The following LRRC75A variants were observed in gnomAD, a reference collection of about 807,000 sequenced individuals.
LRRC75A encodes the protein leucine-rich repeat-containing protein 75A.
Under a neutral mutation model 26.0 loss-of-function variants are expected in LRRC75A, and 12 were observed. The observed-to-expected ratio is 0.46, with a 90% CI of 0.30 to 0.75. The LOEUF is 0.75. LRRC75A is among the 30% of genes least tolerant of loss of function. The probability of loss-of-function intolerance (pLI) is 0.08; values close to 1 mark genes in which losing one functional copy is unlikely to be tolerated. For synonymous variants in LRRC75A, 223 were observed against 219.3 expected, an observed-to-expected ratio of 1.02 and a Z score of -0.15; for missense variants, 410 against 486.6, an observed-to-expected ratio of 0.84 and a Z score of 1.48.
At chr17:16,481,604 G>T (rs1362651508) in intron 1 of LRRC75A, among the ~76,000 whole-genome samples, 1 of 152,090 alleles carries the variant, frequency 6.6e-6, no homozygotes, top group African/African-American at 2.4e-5. Flanking sequence ...AGGATTCACT[G>T]GCTACCCCCT....
chr17:16,451,730 G>A (rs891646496), intron 2 of LRRC75A, among the ~76,000 whole-genome samples: 8 of 151,890 alleles, frequency 5.3e-5, no homozygotes, highest in Middle Eastern at 3.4e-3. Flanking sequence ...CTTTCATACC[G>A]GAATCTCAGG....
chr17:16,461,697 G>T (rs144527661), intron 2 of LRRC75A, among the ~76,000 whole-genome samples: 1 of 152,226 alleles, frequency 6.6e-6, no homozygotes, highest in Non-Finnish European at 1.5e-5. Context: ...GAGGCAAAGC[G>T]GACAGCCCCA....
intron 1 of LRRC75A, among the ~76,000 whole-genome samples, chr17:16,466,313 C>T (rs1190007436): frequency 6.6e-6 from 1 of 152,180 alleles, no homozygotes; most frequent in African/African-American, 2.4e-5. Flanking sequence ...CTTTCAGACT[C>T]GGCACCCATG....
In LRRC75A at chr17:16,443,543, A is replaced by G. The variant is rs748446677; in HGVS notation, c.*45T>C. On this transcript the variant is annotated 3_prime_UTR_variant, in exon 4 of 4. Coordinates refer to ENST00000470794, the MANE Select transcript of LRRC75A (RefSeq NM_001113567.3). The stretch of plus-strand genomic sequence containing the variant: ...GCGCCCTCCCCTGCCTGCCTTGCCC[A>G]TTCTACCCAACAAGGACTCCCTGGT... The G allele has an allele frequency of 1.4e-6, 2 of 1,452,828 alleles. No individual in the cohort carries two copies. The highest frequency in any genetic ancestry group is 1.4e-5 in the African/African-American group (1 of 70,500). The allele number at this position is 1,452,828 out of a possible 1,614,324, so 90.0% of individuals were successfully genotyped here. A position where few individuals can be genotyped will look rare whatever the true frequency, so the allele number is the denominator to read the frequency against.
rs1199568776 is a variant in LRRC75A, at chr17:16,447,982, G to T, written c.376-22C>A. 4.5e-6 allele frequency: 7 copies of T among 1,544,600 alleles called. No individual in the cohort carries two copies. In the African/African-American group the frequency reaches 6.8e-5, roughly 15 times the overall value. On this transcript the variant is annotated intron_variant, in intron 2 of 3. Coordinates refer to ENST00000470794, the MANE Select transcript of LRRC75A (RefSeq NM_001113567.3). Reference sequence around the variant, plus strand: ...CTTCCTGCAGAGGCAACCATGGGTGGTAGGGCCCTGAGTGGCTGGGTGCAC... The same window carrying T: ...CTTCCTGCAGAGGCAACCATGGGTGTTAGGGCCCTGAGTGGCTGGGTGCAC...
In LRRC75A at chr17:16,492,002, C is replaced by T. The variant is rs1402443872; in HGVS notation, c.-12G>A. On this transcript the variant is annotated 5_prime_UTR_variant, in exon 1 of 4. Transcript: ENST00000470794. ...TGCCGGGTGCCCATGCCGCCGCCGC[C>T]CGCCGGGACTCTCCGCTCTGGGCCG... 2 of 1,162,630 alleles carry T rather than the reference C, an allele frequency of 1.7e-6. No individual in the cohort carries two copies. Among genetic ancestry groups the T allele is most frequent in the Admixed American group, 4.8e-5 (1 of 20,966 alleles). The allele number at this position is 1,162,630 out of a possible 1,614,324, so 72.0% of individuals were successfully genotyped here. A position where few individuals can be genotyped will look rare whatever the true frequency, so the allele number is the denominator to read the frequency against.
intron 1 of LRRC75A, among the ~76,000 whole-genome samples, chr17:16,476,762 A>G (rs546492005): frequency 7.9e-5 from 8 of 101,284 alleles, no homozygotes; most frequent in South Asian, 3.3e-4. Flanking sequence ...TTTTTGAGAC[A>G]GAGTCTTGCT....
At chr17:16,452,594 C>G (rs1250648251) in intron 2 of LRRC75A, among the ~76,000 whole-genome samples, 5 of 152,074 alleles carry the variant, frequency 3.3e-5, no homozygotes, top group Admixed American at 2.6e-4. Flanking sequence ...TGCCACCACA[C>G]CCCGCTAATT....
chr17:16,482,222 C>T (rs546783189), intron 1 of LRRC75A, among the ~76,000 whole-genome samples: 2 of 152,128 alleles, frequency 1.3e-5, no homozygotes, highest in Admixed American at 6.5e-5. Context: ...CACAGGTTGC[C>T]GACTTCCCAG....
chr17:16,447,015 C>T (rs1253258082), intron 3 of LRRC75A: 1 of 310,876 alleles, frequency 3.2e-6, no homozygotes, highest in Admixed American at 4.2e-5. Flanking sequence ...GCCCTTCCTT[C>T]CCCAGCCTGC....
At chr17:16,480,998 T>C (rs1399288397) in intron 1 of LRRC75A, among the ~76,000 whole-genome samples, 1 of 152,222 alleles carries the variant, frequency 6.6e-6, no homozygotes, top group Non-Finnish European at 1.5e-5. Context: ...GTCTCTGGGC[T>C]GTGTGCGCCT....
At chr17:16,460,689 C>G (rs949144425) in intron 2 of LRRC75A, among the ~76,000 whole-genome samples, 1 of 152,258 alleles carries the variant, frequency 6.6e-6, no homozygotes, top group Admixed American at 6.5e-5. Context: ...GCTCAGATCA[C>G]TTGATTACCT....
rs2143226344 is a variant in LRRC75A at position 16,465,602 on chromosome 17, G to A, written c.247-3216C>T. ...GCCTGGGTTTCTTGTGTTCCTACCA[G>A]CCCTGCCCCATCTTCCTGGACCCCC... On this transcript the variant is annotated intron_variant, in intron 1 of 3. Coordinates refer to ENST00000470794, the MANE Select transcript of LRRC75A (RefSeq NM_001113567.3). Among the ~76,000 whole-genome samples the A allele has an allele frequency of 2.6e-5, 4 of 152,324 alleles. 1 individual carries two copies. In the Middle Eastern group the frequency reaches 0.014, roughly 518 times the overall value.
chr17:16,473,370 C>T (rs1601190679), intron 1 of LRRC75A, among the ~76,000 whole-genome samples: 1 of 152,140 alleles, frequency 6.6e-6, no homozygotes. Flanking sequence ...AACCACTGGA[C>T]GGCATGGGAA....
chr17:16,449,420 C>A (rs1443219391), intron 2 of LRRC75A, among the ~76,000 whole-genome samples: 1 of 152,160 alleles, frequency 6.6e-6, no homozygotes, highest in Non-Finnish European at 1.5e-5. Context: ...ACAGTACAGA[C>A]CTCACAAGAG....
chr17:16,455,891 T>C (rs981018501), intron 2 of LRRC75A, among the ~76,000 whole-genome samples: 51 of 152,202 alleles, frequency 3.4e-4, no homozygotes, highest in African/African-American at 1.1e-3. Context: ...AAAGTGTTTC[T>C]ATCATTTACA....
At position 16,444,095 on chromosome 17, in the gene LRRC75A, G is replaced by GT; in HGVS notation, c.527dup (p.Asn176LysfsTer77). On this transcript the variant is annotated frameshift_variant, in exon 4 of 4. Coordinates refer to ENST00000470794, the MANE Select transcript of LRRC75A (RefSeq NM_001113567.3). LOFTEE classifies it high-confidence loss of function. Reference sequence around the variant, plus strand: ...GTGGGATTCCCGACAGGTCCACTGTGTTGTCTGGGGGGCTTCCGGCCAGGA... The same window carrying GT: ...GTGGGATTCCCGACAGGTCCACTGTGTTTGTCTGGGGGGCTTCCGGCCAGGA... 1 of 1,609,778 alleles carries GT rather than the reference G, an allele frequency of 6.2e-7. No individual in the cohort carries two copies. The highest frequency in any genetic ancestry group is 1.3e-5 in the African/African-American group (1 of 75,016).
intron 2 of LRRC75A, among the ~76,000 whole-genome samples, chr17:16,449,805 T>TG (rs1431442831): frequency 1.3e-5 from 2 of 152,114 alleles, no homozygotes; most frequent in Non-Finnish European, 2.9e-5. Context: ...TTAGTAGAGA[T>TG]GGGGTTTCAC....
chr17:16,485,681 T>TGTGTGTGTGTGTGTGTGTGTGTGC (rs748088509), intron 1 of LRRC75A, among the ~76,000 whole-genome samples: 1 of 135,434 alleles, frequency 7.4e-6, no homozygotes, highest in African/African-American at 3.0e-5. Flanking sequence ...CGTGTGTGTG[T>TGTGTGTGTGTGTGTGTGTGTGTGC]GTGTGTGTGT....
Sources: gnomAD v4.1 joint callset for allele counts (sites outside exome capture counted in the v4.1 genomes callset) on GRCh38, gnomAD v4.1.1 for gene constraint, MANE v1.5 for transcripts, NCBI Gene and HGNC (gene_info 2026-07-23, HGNC 2026-07-21) for gene names.